Variants in KIF6 observed in about 807,000 individuals in gnomAD.
The protein encoded by KIF6 is kinesin family member 6.
KIF6 carries 106 observed loss-of-function variants against 112.7 expected under a neutral mutation model. The ratio of observed to expected loss-of-function variants is 0.94; its 90% CI spans 0.80 to 1.11. KIF6 has a LOEUF of 1.11. Ranked by LOEUF, KIF6 falls within the 50% of genes least tolerant of loss-of-function variation. The probability of loss-of-function intolerance (pLI) is 0.00; values close to 1 mark genes in which losing one functional copy is unlikely to be tolerated. For synonymous variants in KIF6, 339 were observed against 339.9 expected, an observed-to-expected ratio of 1.00 and a Z score of 0.03; for missense variants, 929 against 964.0, an observed-to-expected ratio of 0.96 and a Z score of 0.48.
intron 13 of KIF6, among the ~76,000 whole-genome samples, chr6:39,484,689 G>C (rs116416479): frequency 0.028 from 4,273 of 152,278 alleles, 203 homozygotes; most frequent in African/African-American, 0.097. Flanking sequence ...CTGTAGTTAA[G>C]CAATTACTGA....
chr6:39,640,044 T>C (rs1784826116), intron 3 of KIF6, among the ~76,000 whole-genome samples: 2 of 152,060 alleles, frequency 1.3e-5, no homozygotes, highest in African/African-American at 2.4e-5. Flanking sequence ...AATCAAAGAA[T>C]ATATTGAAAA....
intron 19 of KIF6, among the ~76,000 whole-genome samples, 187 bp downstream of exon 19, chr6:39,357,090 G>A (rs20457): frequency 0.026 from 3,891 of 152,098 alleles, 179 homozygotes; most frequent in African/African-American, 0.088. Flanking sequence ...GACTGAAGGG[G>A]TGTGCACTCC....
rs115214267 is a variant in KIF6 at position 39,382,102 on chromosome 6, G to A, written c.1861+3520C>T. Among the ~76,000 whole-genome samples, 683 of 152,318 alleles carry A rather than the reference G, an allele frequency of 4.5e-3. 5 individuals carry two copies. Among genetic ancestry groups the A allele is most frequent in the African/African-American group, 0.016 (646 of 41,572 alleles). On this transcript the variant is annotated intron_variant, in intron 16 of 22. Transcript: ENST00000287152. ...AGTCATGGAAATGGCTTCCCAGACC[G>A]AAGATGAAAATTGCCCCTAGAGTTG...
intron 6 of KIF6, among the ~76,000 whole-genome samples, chr6:39,612,090 A>G (rs952977710): frequency 5.6e-4 from 86 of 152,266 alleles, no homozygotes; most frequent in African/African-American, 2.0e-3. Context: ...AAAAACAAAA[A>G]CTAAGGGCCC....
At chr6:39,652,424 G>A (rs569168881) in intron 3 of KIF6, among the ~76,000 whole-genome samples, 2 of 152,070 alleles carry the variant, frequency 1.3e-5, no homozygotes, top group South Asian at 4.2e-4. Context: ...CTACTCAGGA[G>A]GCTGAGGCAG....
At chr6:39,725,167 A>G in intron 1 of KIF6, 78 bp downstream of exon 1, 1 of 1,285,924 alleles carries the variant, frequency 7.8e-7, no homozygotes, top group Non-Finnish European at 1.1e-6. Context: ...ACCTCCGCCC[A>G]GCCCCTTCGC....
At chr6:39,561,260 A>C (rs1171984664) in intron 10 of KIF6, among the ~76,000 whole-genome samples, 1 of 152,222 alleles carries the variant, frequency 6.6e-6, no homozygotes, top group Admixed American at 6.5e-5. Context: ...ACAAATCTAG[A>C]TTACATTGAA....
chr6:39,718,289 G>C (rs1789988014), intron 2 of KIF6: 1 of 145,902 alleles, frequency 6.9e-6, no homozygotes, highest in African/African-American at 2.5e-5. Context: ...TAAAGACATA[G>C]TAAATTGTTC....
chr6:39,697,476 C>T (rs1788611485), intron 3 of KIF6, among the ~76,000 whole-genome samples: 2 of 152,052 alleles, frequency 1.3e-5, no homozygotes, highest in Non-Finnish European at 2.9e-5. Flanking sequence ...CAGGGGGTTT[C>T]CATCTCTTGT....
chr6:39,356,785 G>C (rs1295718062), intron 19 of KIF6, among the ~76,000 whole-genome samples: 1 of 152,164 alleles, frequency 6.6e-6, no homozygotes, highest in Non-Finnish European at 1.5e-5. Flanking sequence ...TGGGGAAGTA[G>C]AGTCCCTGCT....
intron 3 of KIF6, among the ~76,000 whole-genome samples, chr6:39,647,701 C>T (rs926186655): frequency 1.5e-4 from 23 of 149,674 alleles, no homozygotes; most frequent in African/African-American, 4.5e-4. Context: ...ACAGTGAAGG[C>T]CCTGATTTTT....
intron 13 of KIF6, among the ~76,000 whole-genome samples, chr6:39,468,782 A>G (rs890326398): frequency 6.6e-6 from 1 of 152,060 alleles, no homozygotes; most frequent in Non-Finnish European, 1.5e-5. Context: ...AAAAAAGGAC[A>G]CCAGTAAAAG....
intron 5 of KIF6, among the ~76,000 whole-genome samples, chr6:39,630,806 G>A (rs1188099842): frequency 1.3e-5 from 2 of 151,866 alleles, no homozygotes; most frequent in Non-Finnish European, 2.9e-5. Context: ...TTACCTACAG[G>A]CATTTTATAG....
intron 15 of KIF6, among the ~76,000 whole-genome samples, chr6:39,393,517 A>G (rs1441098519): frequency 6.6e-6 from 1 of 152,240 alleles, no homozygotes; most frequent in African/African-American, 2.4e-5. Context: ...AAGAAGAAAA[A>G]TAAACACAAA....
At chr6:39,618,388 T>C (rs1283255342) in intron 5 of KIF6, among the ~76,000 whole-genome samples, 1 of 152,186 alleles carries the variant, frequency 6.6e-6, no homozygotes, top group Non-Finnish European at 1.5e-5. Flanking sequence ...TCCAACTGAA[T>C]GGACCCCCTA....
At chr6:39,413,112 C>T (rs1369025656) in intron 15 of KIF6, among the ~76,000 whole-genome samples, 2 of 151,894 alleles carry the variant, frequency 1.3e-5, no homozygotes, top group African/African-American at 4.8e-5. Context: ...GAGTGGTCTC[C>T]CTCAGTCTTA....
rs746736398 is a variant in KIF6, at chr6:39,613,223, AG to A, written c.604del (p.Leu202PhefsTer3). 1 of 1,603,416 alleles carries A rather than the reference AG, an allele frequency of 6.2e-7. No homozygotes were observed. The highest frequency in any genetic ancestry group is 1.7e-5 in the Admixed American group (1 of 58,236). ...CATTCGGTTGGTGTCTCCTAAAAAA[AG>A]CAAATTCAGAGCTTCTTCCTCTGTG... ...ATTEEEALNLLFLGDTNRMIA... is the reference protein window; with the variant it reads ...ATTEEEALNLXFLGDTNRMIA... On this transcript the variant is annotated frameshift_variant, in exon 6 of 23. Coordinates refer to ENST00000287152, the MANE Select transcript of KIF6 (RefSeq NM_145027.6). LOFTEE classifies it high-confidence loss of function.
At chr6:39,598,297 G>A (rs558117159) in intron 6 of KIF6, among the ~76,000 whole-genome samples, 265 of 152,142 alleles carry the variant, frequency 1.7e-3, no homozygotes, top group Non-Finnish European at 3.3e-3. Context: ...TCTGGAAATG[G>A]TTAATGAATA....
chr6:39,609,683 T>G (rs1358207315), intron 6 of KIF6, among the ~76,000 whole-genome samples: 1 of 152,218 alleles, frequency 6.6e-6, no homozygotes, highest in African/African-American at 2.4e-5. Context: ...TTTCTTTTTT[T>G]GTCTACCAAA....
Sources: gnomAD v4.1 joint callset for allele counts (sites outside exome capture counted in the v4.1 genomes callset) on GRCh38, gnomAD v4.1.1 for gene constraint, MANE v1.5 for transcripts, NCBI Gene and HGNC (gene_info 2026-07-23, HGNC 2026-07-21) for gene names.